The following C16orf74 variants were observed in gnomAD, a reference collection of about 807,000 sequenced individuals.
C16orf74 encodes the protein uncharacterized protein C16orf74.
Under a neutral mutation model 6.5 loss-of-function variants are expected in C16orf74, and 10 were observed. That is an observed-to-expected ratio of 1.54 (90% CI 0.95 to 2.61). C16orf74 has a LOEUF of 2.61. Among genes scored for constraint, C16orf74 ranks in the 30% most tolerant of loss-of-function variants. The pLI is 0.00. For missense variants in C16orf74, 141 were observed against 105.9 expected (o/e 1.33, Z -1.45); for synonymous variants, 60 against 42.5 (o/e 1.41, Z -1.60).
At chr16:85,730,343 C>T (rs1046701177) in intron 2 of C16orf74, among the ~76,000 whole-genome samples, 2 of 152,162 alleles carry the variant, frequency 1.3e-5, no homozygotes, top group African/African-American at 4.8e-5. Flanking sequence ...CACTTCCTCT[C>T]CTTGGTCCTC....
chr16:85,709,147 G>A (rs1489791025), intron 3 of C16orf74, among the ~76,000 whole-genome samples: 1 of 152,226 alleles, frequency 6.6e-6, no homozygotes, highest in Non-Finnish European at 1.5e-5. Context: ...CTGAGGTCAG[G>A]AGTTTGAGAC....
intron 1 of C16orf74, among the ~76,000 whole-genome samples, chr16:85,737,556 G>A (rs937711133): frequency 7.9e-5 from 12 of 152,188 alleles, no homozygotes; most frequent in African/African-American, 4.8e-5. Context: ...ACGCCTGGGC[G>A]CGGTGGCTCA....
At chr16:85,718,977 G>A (rs1380924067) in intron 2 of C16orf74, among the ~76,000 whole-genome samples, 2 of 152,244 alleles carry the variant, frequency 1.3e-5, no homozygotes, top group Non-Finnish European at 2.9e-5. Context: ...GTTCCAGCCT[G>A]ACTCTTGGGG....
intron 1 of C16orf74, among the ~76,000 whole-genome samples, chr16:85,745,203 G>T (rs1291739829): frequency 1.3e-5 from 2 of 150,092 alleles, no homozygotes; most frequent in African/African-American, 5.0e-5. Flanking sequence ...GATTCTCTCT[G>T]GTGACAAGGA....
intron 2 of C16orf74, among the ~76,000 whole-genome samples, chr16:85,717,075 G>A (rs1033637712): frequency 2.6e-5 from 4 of 152,166 alleles, no homozygotes; most frequent in Non-Finnish European, 4.4e-5. Flanking sequence ...CGTGCTCCGG[G>A]TCACCAGGCC....
At chr16:85,730,195 G>A (rs540957326) in intron 2 of C16orf74, among the ~76,000 whole-genome samples, 46 of 152,262 alleles carry the variant, frequency 3.0e-4, no homozygotes, top group Non-Finnish European at 1.3e-4. Context: ...CATACCCACT[G>A]TGACCCTCAC....
At chr16:85,744,567 A>ACACC (rs2054348360) in intron 1 of C16orf74, among the ~76,000 whole-genome samples, 1 of 152,200 alleles carries the variant, frequency 6.6e-6, no homozygotes, top group Non-Finnish European at 1.5e-5. Flanking sequence ...GCGGTGGCTC[A>ACACC]TGCCTGAAAT....
intron 1 of C16orf74, among the ~76,000 whole-genome samples, chr16:85,747,022 C>T (rs573138203): frequency 6.6e-6 from 1 of 152,116 alleles, no homozygotes; most frequent in Non-Finnish European, 1.5e-5. Context: ...CCACAGGAAG[C>T]CTTCACCAGC....
intron 1 of C16orf74, among the ~76,000 whole-genome samples, chr16:85,739,959 C>T (rs2054284900): frequency 6.6e-6 from 1 of 151,824 alleles, no homozygotes; most frequent in Admixed American, 6.6e-5. Flanking sequence ...CCTGTAATCC[C>T]AGCACTTAGG....
chr16:85,729,551 G>T (rs558595640), intron 2 of C16orf74, among the ~76,000 whole-genome samples: 1 of 152,332 alleles, frequency 6.6e-6, no homozygotes, highest in Admixed American at 6.5e-5. Context: ...CTTAATGGGG[G>T]CTGAATAGTG....
At chr16:85,750,628 G>C (rs1010858074) in intron 1 of C16orf74, among the ~76,000 whole-genome samples, 15 of 152,350 alleles carry the variant, frequency 9.8e-5, no homozygotes, top group African/African-American at 3.6e-4. Context: ...GGCGCGGGGT[G>C]GCCTGTGGTG....
chr16:85,735,317 GC>G, intron 1 of C16orf74, 82 bp from the exon 2 acceptor site: 1 of 965,322 alleles, frequency 1.0e-6, no homozygotes, highest in East Asian at 2.9e-5. Context: ...CCCACCCTTG[GC>G]CCTGATGAGT....
At chr16:85,713,432 C>T (rs973588725) in intron 2 of C16orf74, among the ~76,000 whole-genome samples, 1 of 152,104 alleles carries the variant, frequency 6.6e-6, no homozygotes, top group Non-Finnish European at 1.5e-5. Context: ...GCCACCATGC[C>T]CAGCTAATTT....
rs768192838 is a variant in C16orf74 at position 85,735,174 on chromosome 16, G to C, written c.28+16C>G. On this transcript the variant is annotated intron_variant, in intron 2 of 3. Transcript: ENST00000284245. ...TCTGCCATGAGAGCTGGTGGGGGCA[G>C]AGCTTCAGGCCTTACCTTTCAGGCA... The C allele has an allele frequency of 1.2e-6, 2 of 1,600,680 alleles. No individual in the cohort carries two copies. The highest frequency in any genetic ancestry group is 1.1e-5 in the South Asian group (1 of 89,194).
chr16:85,713,791 A>T (rs1032191278), intron 2 of C16orf74, among the ~76,000 whole-genome samples: 2 of 152,046 alleles, frequency 1.3e-5, no homozygotes, highest in Non-Finnish European at 2.9e-5. Context: ...TTCCCTCCTG[A>T]TGATGCTCTG....
At chr16:85,716,143 T>C (rs1381885656) in intron 2 of C16orf74, among the ~76,000 whole-genome samples, 1 of 152,030 alleles carries the variant, frequency 6.6e-6, no homozygotes, top group Non-Finnish European at 1.5e-5. Context: ...CACGTTTGCA[T>C]TTTAACGTGG....
In C16orf74 at chr16:85,739,015, TG is replaced by T. The variant is rs527900022; in HGVS notation, c.-18-3781del. 1.0e-3 allele frequency among the ~76,000 whole-genome samples: 158 copies of T among 152,290 alleles called. 1 individual carries two copies. The highest frequency in any genetic ancestry group is 3.5e-3 in the African/African-American group (147 of 41,572). On this transcript the variant is annotated intron_variant, in intron 1 of 3. Coordinates refer to ENST00000284245, the MANE Select transcript of C16orf74 (RefSeq NM_206967.3). ...CACGCTTTTAGTGACCAGGCAGACC[TG>T]GGAAGTCTTGGAGTCCCCAGGGGAC...
intron 2 of C16orf74, among the ~76,000 whole-genome samples, chr16:85,724,956 T>C (rs891189897): frequency 6.6e-6 from 1 of 152,192 alleles, no homozygotes; most frequent in African/African-American, 2.4e-5. Flanking sequence ...CCAGCCAGGC[T>C]GACCTTCCCA....
Position 85,708,026 on chromosome 16 carries a change from T to G in C16orf74, c.213A>C (p.Glu71Asp). The change falls in exon 4 of 4, where the codon GAA (glutamate) becomes GAC (aspartate). Residue 71 changes from glutamate to aspartate, a missense_variant. Physicochemically the swap from Glu to Asp is conservative, Grantham distance 45. Coordinates refer to ENST00000284245, the MANE Select transcript of C16orf74 (RefSeq NM_206967.3). ...CACCTCCTCAGGCTTCTGGGTCGAT[T>G]TCTCCATCATCTGGGCACGACCCTG... The part of the protein sequence containing the change: ...DETGSCPDDG[E>D]IDPEA 2 of 1,553,302 alleles carry G rather than the reference T, an allele frequency of 1.3e-6. No individual in the cohort carries two copies. Among genetic ancestry groups the G allele is most frequent in the Non-Finnish European group, 1.7e-6 (2 of 1,147,856 alleles).
Sources: allele counts gnomAD v4.1 joint callset (sites outside exome capture counted in the v4.1 genomes callset), GRCh38; gene constraint gnomAD v4.1.1; transcripts MANE v1.5; gene names NCBI Gene and HGNC (gene_info 2026-07-23, HGNC 2026-07-21).